Variants in CNTN4 observed in about 807,000 individuals in gnomAD.
CNTN4 encodes the protein contactin-4.
Under a neutral mutation model 122.5 loss-of-function variants are expected in CNTN4, and 77 were observed. The ratio of observed to expected loss-of-function variants is 0.63; its 90% CI spans 0.52 to 0.76. The LOEUF (loss-of-function observed/expected upper bound fraction) is 0.76. Ranked by LOEUF, CNTN4 falls within the 30% of genes least tolerant of loss-of-function variation. The pLI, the probability that CNTN4 is intolerant of heterozygous loss-of-function variation, is 0.00. For missense variants in CNTN4, 1,256 were observed against 1,259.1 expected, an observed-to-expected ratio of 1.00 and a Z score of 0.04; for synonymous variants, 512 against 447.0, an observed-to-expected ratio of 1.15 and a Z score of -1.83.
intron 3 of CNTN4, among the ~76,000 whole-genome samples, chr3:2,525,383 A>G (rs2077365192): frequency 6.6e-6 from 1 of 152,174 alleles, no homozygotes; most frequent in African/African-American, 2.4e-5. Context: ...GGTATTGTGA[A>G]CATAACAACT....
chr3:2,388,932 T>G (rs951066385), intron 3 of CNTN4, among the ~76,000 whole-genome samples: 1 of 151,652 alleles, frequency 6.6e-6, no homozygotes, highest in Admixed American at 6.6e-5. Context: ...CCGGGGTGGG[T>G]AGATCACCTA....
intron 4 of CNTN4, among the ~76,000 whole-genome samples, chr3:2,686,190 C>G (rs12489834): frequency 0.48 from 72,962 of 151,630 alleles, 20,213 homozygotes; most frequent in Non-Finnish European, 0.62. Context: ...CAGATGAGTG[C>G]TGTAGGGGAA....
intron 6 of CNTN4, among the ~76,000 whole-genome samples, chr3:2,750,723 A>G (rs2090048293): frequency 6.6e-6 from 1 of 152,056 alleles, no homozygotes; most frequent in Non-Finnish European, 1.5e-5. Flanking sequence ...CTTCTATTTC[A>G]CCTAGGGCTA....
intron 2 of CNTN4, among the ~76,000 whole-genome samples, chr3:2,207,904 A>C (rs564048854): frequency 2.6e-5 from 4 of 152,242 alleles, no homozygotes; most frequent in African/African-American, 7.2e-5. Flanking sequence ...CTTTAAGTTG[A>C]GGCCAATGCT....
intron 3 of CNTN4, among the ~76,000 whole-genome samples, chr3:2,447,813 T>C (rs564617818): frequency 8.1e-4 from 124 of 152,320 alleles, no homozygotes; most frequent in African/African-American, 2.8e-3. Context: ...GTTCTGTTAA[T>C]AAGTACTTCA....
chr3:3,038,102 T>C (rs1362085306), intron 18 of CNTN4, among the ~76,000 whole-genome samples: 2 of 152,190 alleles, frequency 1.3e-5, no homozygotes, highest in African/African-American at 4.8e-5. Flanking sequence ...ATCTATTTGA[T>C]TGGCTTTAAC....
chr3:2,321,216 G>A (rs1195394806), intron 2 of CNTN4, among the ~76,000 whole-genome samples: 1 of 152,058 alleles, frequency 6.6e-6, no homozygotes, highest in African/African-American at 2.4e-5. Context: ...TATCTCAATT[G>A]TGAAATGTGG....
At chr3:2,620,147 A>G (rs2081939885) in intron 4 of CNTN4, among the ~76,000 whole-genome samples, 1 of 152,198 alleles carries the variant, frequency 6.6e-6, no homozygotes. Flanking sequence ...ATCATATTTT[A>G]CTTCTCACTT....
chr3:2,802,008 T>C (rs1043772184), intron 6 of CNTN4, among the ~76,000 whole-genome samples: 3 of 152,260 alleles, frequency 2.0e-5, no homozygotes, highest in South Asian at 2.1e-4. Context: ...CATATCATTA[T>C]TGGTCTAGTT....
In CNTN4 at chr3:2,567,801, T is replaced by C. The variant is rs149916667; in HGVS notation, c.-88-3615T>C. 5.3e-3 allele frequency among the ~76,000 whole-genome samples: 803 copies of C among 152,302 alleles called. 4 individuals carry two copies. Among genetic ancestry groups the C allele is most frequent in the Middle Eastern group, 0.031 (9 of 294 alleles). On this transcript the variant is annotated intron_variant, in intron 3 of 24. Coordinates refer to ENST00000418658, the MANE Select transcript of CNTN4 (RefSeq NM_175607.3). ...GGCCTTCCTCCCTCTTATTTATCCT[T>C]TAAGAATCAGTTCAAAATGGTAGCC...
chr3:2,754,097 A>T (rs1283397266), intron 6 of CNTN4, among the ~76,000 whole-genome samples: 1 of 152,134 alleles, frequency 6.6e-6, no homozygotes, highest in African/African-American at 2.4e-5. Flanking sequence ...TAAGCTTCTT[A>T]CTCCCATATC....
chr3:2,423,474 A>G (rs1309430760), intron 3 of CNTN4, among the ~76,000 whole-genome samples: 1 of 151,658 alleles, frequency 6.6e-6, no homozygotes, highest in Admixed American at 6.6e-5. Context: ...GACAGGGTGA[A>G]AACTTGTTTT....
At chr3:2,171,815 G>A (rs2036528411) in intron 2 of CNTN4, among the ~76,000 whole-genome samples, 1 of 152,160 alleles carries the variant, frequency 6.6e-6, no homozygotes, top group African/African-American at 2.4e-5. Context: ...AGTATGTACT[G>A]GGCTCTTGGT....
chr3:2,801,659 T>G (rs1377074774), intron 6 of CNTN4, among the ~76,000 whole-genome samples: 1 of 149,982 alleles, frequency 6.7e-6, no homozygotes, highest in Non-Finnish European at 1.5e-5. Context: ...ATTGTCGTGA[T>G]TAAGAATAAA....
chr3:2,393,286 A>G (rs1022368754), intron 3 of CNTN4, among the ~76,000 whole-genome samples: 2 of 152,092 alleles, frequency 1.3e-5, no homozygotes, highest in African/African-American at 4.8e-5. Context: ...TTAACTAGTT[A>G]TACCTGTAAT....
At position 3,037,339 on chromosome 3, in the gene CNTN4, C is replaced by A. The variant is rs766271732; in HGVS notation, c.2092+11C>A. On this transcript the variant is annotated intron_variant, in intron 18 of 24. Transcript: ENST00000418658. ...GAACAGAAGAAGCTCGTGAGTAGCACCCGAGATTCAGATCATCTGTTCTGC... is the reference window on the plus strand; with the variant it reads ...GAACAGAAGAAGCTCGTGAGTAGCAACCGAGATTCAGATCATCTGTTCTGC... 4 of 1,614,080 alleles carry A rather than the reference C, an allele frequency of 2.5e-6. No homozygotes were observed. The highest frequency in any genetic ancestry group is 3.4e-6 in the Non-Finnish European group (4 of 1,180,000).
intron 3 of CNTN4, among the ~76,000 whole-genome samples, chr3:2,496,389 A>T (rs2076451342): frequency 6.6e-6 from 1 of 152,188 alleles, no homozygotes; most frequent in Admixed American, 6.5e-5. Flanking sequence ...CTCTTTCTCC[A>T]CAAAGTTCAG....
At chr3:2,751,350 A>G (rs2090081379) in intron 6 of CNTN4, among the ~76,000 whole-genome samples, 1 of 152,048 alleles carries the variant, frequency 6.6e-6, no homozygotes, top group African/African-American at 2.4e-5. Context: ...AAAGATGCTC[A>G]TGTATGGAAT....
intron 2 of CNTN4, among the ~76,000 whole-genome samples, chr3:2,140,416 A>G (rs2034935354): frequency 6.6e-6 from 1 of 152,162 alleles, no homozygotes; most frequent in South Asian, 2.1e-4. Context: ...CTCCTAAACA[A>G]CAGAAATTTA....
Sources: allele counts gnomAD v4.1 joint callset (sites outside exome capture counted in the v4.1 genomes callset), GRCh38; gene constraint gnomAD v4.1.1; transcripts MANE v1.5; gene names NCBI Gene and HGNC (gene_info 2026-07-23, HGNC 2026-07-21).